Variants in DCC observed in about 807,000 individuals in gnomAD.
The protein encoded by DCC is netrin receptor DCC.
DCC carries 58 observed loss-of-function variants against 172.5 expected under a neutral mutation model. That is an observed-to-expected ratio of 0.34 (90% CI 0.27 to 0.42). The LOEUF (loss-of-function observed/expected upper bound fraction) is 0.42, where lower values mean the gene tolerates loss of function less well. Among genes scored for constraint, DCC ranks in the 10% least tolerant of loss-of-function variants. The pLI, the probability that DCC is intolerant of heterozygous loss-of-function variation, is 1.00. For missense variants in DCC, 1,740 were observed against 1,791.0 expected, an observed-to-expected ratio of 0.97 and a Z score of 0.51; for synonymous variants, 709 against 644.5, an observed-to-expected ratio of 1.10 and a Z score of -1.52.
chr18:52,581,774 A>G (rs1220519751), intron 1 of DCC, among the ~76,000 whole-genome samples: 2 of 152,144 alleles, frequency 1.3e-5, no homozygotes, highest in East Asian at 1.9e-4. Context: ...TAAACTTTGC[A>G]AATTATTTAT....
chr18:52,976,965 C>T (rs34324938), intron 5 of DCC, among the ~76,000 whole-genome samples: 5,379 of 152,164 alleles, frequency 0.035, 124 homozygotes, highest in African/African-American at 0.054. Context: ...TTAATTCATG[C>T]GATAAATTGT....
intron 5 of DCC, among the ~76,000 whole-genome samples, chr18:52,927,656 A>G (rs186876021): frequency 6.6e-6 from 1 of 152,068 alleles, no homozygotes; most frequent in African/African-American, 2.4e-5. Context: ...CATCCAAAAA[A>G]TGCTCCACAT....
At chr18:53,520,398 G>A (rs140041621) in intron 27 of DCC, among the ~76,000 whole-genome samples, 1 of 152,170 alleles carries the variant, frequency 6.6e-6, no homozygotes, top group Non-Finnish European at 1.5e-5. Context: ...ACATAAAAAT[G>A]TTCATTTGGT....
intron 1 of DCC, among the ~76,000 whole-genome samples, chr18:52,693,001 T>C (rs2145015987): frequency 6.6e-6 from 1 of 152,282 alleles, no homozygotes; most frequent in Non-Finnish European, 1.5e-5. Flanking sequence ...CTATAGGCTG[T>C]GACCTTGTTC....
chr18:52,822,972 T>C (rs1368305038), intron 2 of DCC, among the ~76,000 whole-genome samples: 1 of 152,166 alleles, frequency 6.6e-6, no homozygotes. Flanking sequence ...GAAAATGAAC[T>C]TAAATAGCTA....
rs142932752 is a variant in DCC at position 52,656,959 on chromosome 18, C to T, written c.92-95095C>T. On this transcript the variant is annotated intron_variant, in intron 1 of 28. Transcript: ENST00000442544. ...GACAGCATGCTGTCCTATTGTGACT[C>T]TTTTCTGGGGAGCTTCATTGAGAAA... Among the ~76,000 whole-genome samples the T allele has an allele frequency of 8.0e-3, 1,219 of 152,182 alleles. 19 individuals carry two copies. Among genetic ancestry groups the T allele is most frequent in the South Asian group, 0.059 (282 of 4,814 alleles).
chr18:52,542,847 A>G (rs545052854), intron 1 of DCC, among the ~76,000 whole-genome samples: 2 of 152,206 alleles, frequency 1.3e-5, no homozygotes, highest in Admixed American at 6.5e-5. Context: ...CTAAAAAAAA[A>G]AGCAACTAGG....
At chr18:52,901,614 C>G (rs1176282322) in intron 2 of DCC, among the ~76,000 whole-genome samples, 1 of 152,054 alleles carries the variant, frequency 6.6e-6, no homozygotes, top group Non-Finnish European at 1.5e-5. Context: ...ACAATCCGTT[C>G]CCAAAGTCCT....
In DCC at chr18:52,477,148, T is replaced by C. The variant is rs79336558; in HGVS notation, c.91+136270T>C. Among the ~76,000 whole-genome samples the C allele has an allele frequency of 8.6e-3, 1,315 of 152,266 alleles. 26 individuals are homozygous for C. Among genetic ancestry groups the C allele is most frequent in the African/African-American group, 0.031 (1,270 of 41,552 alleles). ...CAACGTTTTCCACTACGTTATTATG[T>C]AGAGACATGGTGGTGATGGCTTGAT... On this transcript the variant is annotated intron_variant, in intron 1 of 28. Coordinates refer to ENST00000442544, the MANE Select transcript of DCC (RefSeq NM_005215.4).
At chr18:53,452,534 C>T (rs1469791440) in intron 23 of DCC, among the ~76,000 whole-genome samples, 1 of 152,144 alleles carries the variant, frequency 6.6e-6, no homozygotes, top group African/African-American at 2.4e-5. Context: ...TTGAGAAAAT[C>T]TCCAGTCATC....
chr18:53,357,430 C>T (rs185370154), intron 15 of DCC, among the ~76,000 whole-genome samples: 4 of 152,174 alleles, frequency 2.6e-5, no homozygotes, highest in African/African-American at 9.6e-5. Context: ...GCATGGAATA[C>T]AGAAGTTTTA....
intron 1 of DCC, among the ~76,000 whole-genome samples, chr18:52,426,534 A>G (rs1987432961): frequency 1.3e-5 from 2 of 152,098 alleles, no homozygotes; most frequent in South Asian, 4.1e-4. Context: ...AAGAAAGTGG[A>G]CAGATTTGCA....
At chr18:53,422,280 C>G (rs1386792482) in intron 21 of DCC, among the ~76,000 whole-genome samples, 3 of 152,184 alleles carry the variant, frequency 2.0e-5, no homozygotes, top group South Asian at 2.1e-4. Context: ...CACAATAAAA[C>G]TCCGCCTTTC....
intron 12 of DCC, among the ~76,000 whole-genome samples, chr18:53,262,941 A>T (rs983748514): frequency 6.6e-6 from 1 of 152,216 alleles, no homozygotes; most frequent in Non-Finnish European, 1.5e-5. Context: ...TTTTGTAAAC[A>T]ACTTTAAGAA....
intron 5 of DCC, among the ~76,000 whole-genome samples, chr18:52,958,113 C>T (rs946327405): frequency 2.0e-5 from 3 of 152,088 alleles, no homozygotes; most frequent in East Asian, 1.9e-4. Context: ...AGTGAGGAAG[C>T]TTTGTTTATT....
intron 15 of DCC, among the ~76,000 whole-genome samples, chr18:53,381,933 T>A (rs1446665497): frequency 6.6e-6 from 1 of 152,006 alleles, no homozygotes; most frequent in East Asian, 1.9e-4. Flanking sequence ...TACACTAATA[T>A]TATCTTGGAC....
chr18:52,508,954 G>A (rs1162587733), intron 1 of DCC, among the ~76,000 whole-genome samples: 3 of 152,212 alleles, frequency 2.0e-5, no homozygotes, highest in Non-Finnish European at 2.9e-5. Flanking sequence ...CCTGAAATGC[G>A]ACTGGCGTCA....
intron 1 of DCC, among the ~76,000 whole-genome samples, chr18:52,661,025 A>AC (rs1215446804): frequency 2.6e-5 from 4 of 152,164 alleles, no homozygotes; most frequent in Non-Finnish European, 4.4e-5. Context: ...GGATAGGTTA[A>AC]CCCCCAAGGA....
intron 2 of DCC, among the ~76,000 whole-genome samples, chr18:52,836,628 T>C (rs1361595938): frequency 1.3e-5 from 2 of 152,240 alleles, no homozygotes; most frequent in Non-Finnish European, 2.9e-5. Flanking sequence ...GTCTTGCTGA[T>C]GCAAGAGGTG....
Sources: allele counts gnomAD v4.1 joint callset (sites outside exome capture counted in the v4.1 genomes callset), GRCh38; gene constraint gnomAD v4.1.1; transcripts MANE v1.5; gene names NCBI Gene and HGNC (gene_info 2026-07-23, HGNC 2026-07-21).